Variants in LIMA1 observed in about 807,000 individuals in gnomAD.
The protein encoded by LIMA1 is LIM domain and actin binding 1.
In LIMA1, 52 loss-of-function variants were observed where a neutral mutation model predicts 62.6. The ratio of observed to expected loss-of-function variants is 0.83; its 90% confidence interval spans 0.67 to 1.05. The LOEUF (loss-of-function observed/expected upper bound fraction) is 1.05, where lower values mean the gene tolerates loss of function less well. Ranked by LOEUF, LIMA1 falls within the 50% of genes least tolerant of loss-of-function variation. The probability of loss-of-function intolerance (pLI) is 0.00; values close to 1 mark genes in which losing one functional copy is unlikely to be tolerated. For synonymous variants in LIMA1, 302 were observed against 317.8 expected, an observed-to-expected ratio of 0.95 and a Z score of 0.53; for missense variants, 780 against 902.2, an observed-to-expected ratio of 0.86 and a Z score of 1.74.
intron 7 of LIMA1, among the ~76,000 whole-genome samples, chr12:50,198,311 G>A (rs1055228563): frequency 5.3e-5 from 8 of 152,202 alleles, no homozygotes; most frequent in African/African-American, 1.9e-4. Flanking sequence ...TTGGGAGGCT[G>A]AGGCTGAGGG....
chr12:50,248,561 C>T, intron 2 of LIMA1, 72 bp downstream of exon 2: 2 of 932,238 alleles, frequency 2.1e-6, no homozygotes, highest in South Asian at 1.4e-5. Context: ...GTACTTCCTT[C>T]ACCAATTTCC....
At chr12:50,279,862 G>A (rs898756415) in intron 1 of LIMA1, among the ~76,000 whole-genome samples, 4 of 152,018 alleles carry the variant, frequency 2.6e-5, no homozygotes, top group South Asian at 2.1e-4. Flanking sequence ...AAGAAGTCCC[G>A]GGGCATTAGC....
At chr12:50,281,358 T>G (rs1942337391) in intron 1 of LIMA1, among the ~76,000 whole-genome samples, 1 of 152,012 alleles carries the variant, frequency 6.6e-6, no homozygotes. Flanking sequence ...GAGAAAAACA[T>G]TTTGAGGGCA....
At chr12:50,178,143 G>A (rs1159561719) in intron 10 of LIMA1, 74 bp from the exon 11 acceptor site, 3 of 1,160,152 alleles carry the variant, frequency 2.6e-6, no homozygotes, top group East Asian at 2.8e-5. Context: ...GCTAAAATCT[G>A]GCAATTCCAG....
rs145232788 is a variant in LIMA1, at chr12:50,248,677, A to G, written c.75T>C (p.Leu25=). The change falls in exon 2 of 11, where the codon CTT becomes CTC. Residue 25 remains leucine (L), a synonymous_variant. Coordinates refer to ENST00000341247, the MANE Select transcript of LIMA1 (RefSeq NM_016357.5). ...TAGCCGATGACTTGTTCTTGTTGAC[A>G]AGAGAAAGTTCTTTGGCTGTTACCC... is the stretch of plus-strand genomic sequence containing the variant. ...SLRVTAKELS[L]VNKNKSSAIV... 90 of 1,613,658 alleles carry G rather than the reference A, an allele frequency of 5.6e-5. No individual in the cohort carries two copies. In the African/African-American group the frequency reaches 9.3e-4, roughly 17 times the overall value.
In LIMA1 at chr12:50,177,306, C is replaced by T; in HGVS notation, c.2038G>A (p.Val680Ile). Reference sequence around the variant, plus strand: ...TCATCGGAGTCTGCACCATTTTCTACAAGATTCTCATTCTCCATCTCCAAA... The same window carrying T: ...TCATCGGAGTCTGCACCATTTTCTATAAGATTCTCATTCTCCATCTCCAAA... ...HSLEMENENL[V>I]ENGADSDEDD... The change falls in exon 11 of 11, where the codon GTA becomes ATA. Residue 680 changes from valine (V) to isoleucine (I), a missense_variant. Val to Ile is a conservative substitution (Grantham distance 29). Coordinates refer to ENST00000341247, the MANE Select transcript of LIMA1 (RefSeq NM_016357.5). The T allele has an allele frequency of 6.2e-7, 1 of 1,614,232 alleles. No homozygotes were observed. Among genetic ancestry groups the T allele is most frequent in the Non-Finnish European group, 8.5e-7 (1 of 1,180,034 alleles).
intron 2 of LIMA1, among the ~76,000 whole-genome samples, chr12:50,246,826 A>C (rs1941856306): frequency 1.3e-5 from 2 of 152,068 alleles, no homozygotes; most frequent in African/African-American, 4.8e-5. Flanking sequence ...ATTCCACTTC[A>C]AGCTCACTGC....
chr12:50,200,481 G>A (rs1469318227), intron 7 of LIMA1, among the ~76,000 whole-genome samples: 1 of 152,194 alleles, frequency 6.6e-6, no homozygotes, highest in Non-Finnish European at 1.5e-5. Flanking sequence ...GATTACAGGC[G>A]TGAGCCACTG....
intron 3 of LIMA1, among the ~76,000 whole-genome samples, chr12:50,230,409 G>A (rs1444004490): frequency 6.6e-6 from 1 of 152,142 alleles, no homozygotes; most frequent in Non-Finnish European, 1.5e-5. Context: ...GATGTAGTCT[G>A]TGCTTGGCAT....
At chr12:50,190,425 T>C (rs1450990770) in intron 9 of LIMA1, among the ~76,000 whole-genome samples, 1 of 150,642 alleles carries the variant, frequency 6.6e-6, no homozygotes, top group Non-Finnish European at 1.5e-5. Context: ...TGGAGTGCAA[T>C]GGCATAATCT....
chr12:50,276,212 CTT>C (rs1942274209), intron 1 of LIMA1, among the ~76,000 whole-genome samples: 1 of 152,116 alleles, frequency 6.6e-6, no homozygotes, highest in African/African-American at 2.4e-5. Flanking sequence ...TTAAAGAACT[CTT>C]ATCACCCCTG....
intron 4 of LIMA1, among the ~76,000 whole-genome samples, chr12:50,211,989 C>T (rs1941265816): frequency 6.6e-6 from 1 of 152,218 alleles, no homozygotes; most frequent in Non-Finnish European, 1.5e-5. Context: ...CTGAAGTCCT[C>T]CTTCCTGTCA....
chr12:50,231,798 A>C (rs1215128511), intron 2 of LIMA1, 88 bp from the exon 3 acceptor site: 13 of 1,288,960 alleles, frequency 1.0e-5, no homozygotes, highest in Non-Finnish European at 1.3e-5. Flanking sequence ...ATGAAGTCTC[A>C]CGCTTATTGC....
At chr12:50,187,298 C>T (rs1345587241) in intron 9 of LIMA1, 3 of 152,082 alleles carry the variant, frequency 2.0e-5, no homozygotes, top group Non-Finnish European at 4.4e-5. Context: ...TGTTAACTAG[C>T]CTTTAGACAT....
intron 9 of LIMA1, chr12:50,185,317 C>A: frequency 6.6e-6 from 3 of 454,532 alleles, no homozygotes; most frequent in South Asian, 4.7e-5. Context: ...GAGGCACACA[C>A]TGTGGGAGGG....
chr12:50,212,201 A>T (rs1381122984), intron 4 of LIMA1, among the ~76,000 whole-genome samples: 1 of 152,226 alleles, frequency 6.6e-6, no homozygotes, highest in East Asian at 1.9e-4. Flanking sequence ...TCTTTTCTAC[A>T]CCTATCTTCA....
chr12:50,201,372 T>C (rs1258092591), intron 6 of LIMA1: 1 of 984,064 alleles, frequency 1.0e-6, no homozygotes, highest in Non-Finnish European at 1.2e-6. Context: ...ACTGAAATTA[T>C]ATTTAATGAT....
At chr12:50,198,542 A>C (rs555797259) in intron 7 of LIMA1, among the ~76,000 whole-genome samples, 1 of 152,180 alleles carries the variant, frequency 6.6e-6, no homozygotes, top group Non-Finnish European at 1.5e-5. Flanking sequence ...TGACAGAGCA[A>C]GACCTCATCT....
At chr12:50,263,785 C>CTGTGTG (rs3073660) in intron 1 of LIMA1, among the ~76,000 whole-genome samples, 30,193 of 130,876 alleles carry the variant, frequency 0.23, 4,012 homozygotes, top group East Asian at 0.55. Context: ...TTCCATTCCT[C>CTGTGTG]TGTGTGTGTG....
Sources: gnomAD v4.1 joint callset for allele counts (sites outside exome capture counted in the v4.1 genomes callset) on GRCh38, gnomAD v4.1.1 for gene constraint, MANE v1.5 for transcripts, NCBI Gene and HGNC (gene_info 2026-07-23, HGNC 2026-07-21) for gene names.